The following SLIT3 variants were observed in gnomAD, a reference collection of about 807,000 sequenced individuals.
The protein encoded by SLIT3 is slit guidance ligand 3.
A neutral mutation model predicts 184.0 loss-of-function variants in SLIT3; 68 were observed. The observed-to-expected ratio is 0.37, with a 90% CI of 0.30 to 0.45. The LOEUF (loss-of-function observed/expected upper bound fraction) is 0.45, where lower values mean the gene tolerates loss of function less well. Among genes scored for constraint, SLIT3 ranks in the 20% least tolerant of loss-of-function variants. The probability of loss-of-function intolerance (pLI) is 1.00; values close to 1 mark genes in which losing one functional copy is unlikely to be tolerated. For synonymous variants in SLIT3, 831 were observed against 828.6 expected (o/e 1.00, Z -0.05); for missense variants, 1,707 against 2,026.0 (o/e 0.84, Z 3.02).
intron 4 of SLIT3, among the ~76,000 whole-genome samples, chr5:169,073,139 C>T (rs931477053): frequency 7.2e-5 from 11 of 152,290 alleles, no homozygotes; most frequent in South Asian, 2.1e-4. Flanking sequence ...TTTCATACAC[C>T]GCCACCTCTC....
intron 4 of SLIT3, among the ~76,000 whole-genome samples, chr5:169,166,530 C>T (rs1381461905): frequency 2.6e-5 from 4 of 151,710 alleles, no homozygotes; most frequent in African/African-American, 9.8e-5. Flanking sequence ...GATCAAGTCA[C>T]TTCACCTCTC....
intron 4 of SLIT3, among the ~76,000 whole-genome samples, chr5:168,965,933 GGCAA>G (rs1763171265): frequency 6.6e-6 from 1 of 152,186 alleles, no homozygotes; most frequent in African/African-American, 2.4e-5. Context: ...GCCACAAGAT[GGCAA>G]GACCTCAGAG....
At chr5:168,724,540 C>A in intron 20 of SLIT3, 56 bp from the exon 21 acceptor site, 1 of 1,487,848 alleles carries the variant, frequency 6.7e-7, no homozygotes, top group Non-Finnish European at 9.3e-7. Context: ...CAAATTCTCA[C>A]CTTTTCAGAG....
chr5:168,693,623 G>A (rs1291941547), intron 28 of SLIT3, among the ~76,000 whole-genome samples: 1 of 152,122 alleles, frequency 6.6e-6, no homozygotes, highest in Non-Finnish European at 1.5e-5. Context: ...CTAAGAGAGG[G>A]AAAGGTCTAA....
At chr5:168,937,969 G>T (rs1169171060) in intron 4 of SLIT3, among the ~76,000 whole-genome samples, 3 of 151,874 alleles carry the variant, frequency 2.0e-5, no homozygotes, top group Non-Finnish European at 4.4e-5. Flanking sequence ...CTTCCAGAAT[G>T]CAAGTATACA....
At chr5:168,977,566 C>T (rs1165435475) in intron 4 of SLIT3, among the ~76,000 whole-genome samples, 3 of 152,152 alleles carry the variant, frequency 2.0e-5, no homozygotes, top group Non-Finnish European at 1.5e-5. Flanking sequence ...ATTTGAATTA[C>T]AGACAAAGGG....
intron 1 of SLIT3, among the ~76,000 whole-genome samples, chr5:169,273,296 C>A (rs1019158281): frequency 1.3e-5 from 2 of 152,220 alleles, no homozygotes; most frequent in East Asian, 3.9e-4. Flanking sequence ...CAAGTTTCTA[C>A]CTGAGGCTTG....
At chr5:168,900,700 GGAATCAAC>G (rs1760836751) in intron 4 of SLIT3, among the ~76,000 whole-genome samples, 1 of 152,168 alleles carries the variant, frequency 6.6e-6, no homozygotes, top group African/African-American at 2.4e-5. Flanking sequence ...GTAAAGATAT[GGAATCAAC>G]CTAAGTGTCC....
At chr5:168,703,305 G>C (rs1472826140) in intron 26 of SLIT3, among the ~76,000 whole-genome samples, 1 of 143,338 alleles carries the variant, frequency 7.0e-6, no homozygotes, top group Admixed American at 7.2e-5. Context: ...ATCCTGACTG[G>C]CTTCCTTTAA....
At chr5:169,202,241 TAAATA>T (rs57011559) in intron 3 of SLIT3, among the ~76,000 whole-genome samples, 11 of 151,406 alleles carry the variant, frequency 7.3e-5, no homozygotes, top group East Asian at 3.9e-4. Flanking sequence ...CAAAAATAAA[TAAATA>T]AAATAAAATA....
At chr5:168,852,271 C>T (rs1758707546) in intron 5 of SLIT3, among the ~76,000 whole-genome samples, 1 of 152,210 alleles carries the variant, frequency 6.6e-6, no homozygotes, top group Admixed American at 6.5e-5. Flanking sequence ...TTATCTCCCA[C>T]ATCTCTGTTT....
chr5:168,854,141 G>A (rs12516585), intron 5 of SLIT3, among the ~76,000 whole-genome samples: 77,510 of 151,856 alleles, frequency 0.51, 20,947 homozygotes, highest in African/African-American at 0.69. Flanking sequence ...CAGGAGTCTC[G>A]GGGCTTACCC....
rs1339232922 is a variant in SLIT3 at position 168,722,593 on chromosome 5, C to T, written c.2412-266G>A. 2.0e-5 allele frequency among the ~76,000 whole-genome samples: 3 copies of T among 152,174 alleles called. No homozygotes were observed. In the South Asian group the frequency reaches 6.2e-4, roughly 31 times the overall value. The stretch of plus-strand genomic sequence containing the variant: ...TCTCTCCTGTCCAATGATGAGTACT[C>T]ACAATGTGTAAAGCTAATGGGAAAT... On this transcript the variant is annotated intron_variant, in intron 22 of 35. Coordinates refer to ENST00000519560, the MANE Select transcript of SLIT3 (RefSeq NM_003062.4).
At chr5:169,078,935 T>C (rs762117622) in intron 4 of SLIT3, among the ~76,000 whole-genome samples, 1 of 152,250 alleles carries the variant, frequency 6.6e-6, no homozygotes, top group Non-Finnish European at 1.5e-5. Context: ...GTTTTTTAAA[T>C]GCCATAGTTC....
intron 23 of SLIT3, among the ~76,000 whole-genome samples, chr5:168,721,628 G>C (rs535603882): frequency 1.0e-3 from 159 of 152,304 alleles, no homozygotes; most frequent in Non-Finnish European, 1.8e-3. Context: ...GCCCTGGTAC[G>C]GCCAGGTCTC....
At chr5:169,240,543 C>T (rs937299503) in intron 3 of SLIT3, among the ~76,000 whole-genome samples, 1 of 146,672 alleles carries the variant, frequency 6.8e-6, no homozygotes. Flanking sequence ...TAGAGTGACA[C>T]TAACCTTTCG....
At chr5:168,849,012 A>C (rs939376612) in intron 5 of SLIT3, among the ~76,000 whole-genome samples, 10 of 152,196 alleles carry the variant, frequency 6.6e-5, no homozygotes, top group African/African-American at 2.4e-4. Flanking sequence ...ACTATCTCCC[A>C]ACAGTAACCA....
rs1237896062 is a variant in SLIT3 at position 168,872,517 on chromosome 5, T to C, written c.485+10748A>G. On this transcript the variant is annotated intron_variant, in intron 5 of 35. Transcript: ENST00000519560. Reference sequence around the variant, plus strand: ...GTGTTGGGGGTATATGGAAACTCTCTACACTTTCCACTCAATTCTTCTGTA... The same window carrying C: ...GTGTTGGGGGTATATGGAAACTCTCCACACTTTCCACTCAATTCTTCTGTA... Among the ~76,000 whole-genome samples the C allele has an allele frequency of 4.6e-5, 7 of 152,062 alleles. No individual in the cohort carries two copies. The East Asian group carries it at 1.2e-3, about 25-fold the overall frequency.
chr5:168,788,991 C>T (rs1756259669), intron 11 of SLIT3, among the ~76,000 whole-genome samples: 2 of 152,038 alleles, frequency 1.3e-5, no homozygotes, highest in Admixed American at 1.3e-4. Flanking sequence ...TACCTTCCTG[C>T]CGGCAGGGGT....
Sources: gnomAD v4.1 joint callset for allele counts (sites outside exome capture counted in the v4.1 genomes callset) on GRCh38, gnomAD v4.1.1 for gene constraint, MANE v1.5 for transcripts, NCBI Gene and HGNC (gene_info 2026-07-23, HGNC 2026-07-21) for gene names.